The following WWC1 variants were observed in gnomAD, a reference collection of about 807,000 sequenced individuals.
WWC1 encodes WW and C2 domain containing 1.
In WWC1, 55 loss-of-function variants were observed where a neutral mutation model predicts 138.4. The ratio of observed to expected loss-of-function variants is 0.40; its 90% CI spans 0.32 to 0.50. WWC1 has a LOEUF of 0.50. Among genes scored for constraint, WWC1 ranks in the 20% least tolerant of loss-of-function variants. WWC1 has a pLI of 0.72. For missense variants in WWC1, 1,226 were observed against 1,420.4 expected (o/e 0.86, Z 2.20); for synonymous variants, 524 against 564.9 (o/e 0.93, Z 1.03).
At chr5:168,391,880 C>T (rs1163543373) in intron 3 of WWC1, among the ~76,000 whole-genome samples, 3 of 149,458 alleles carry the variant, frequency 2.0e-5, no homozygotes, top group Non-Finnish European at 3.0e-5. Flanking sequence ...ACGTAGCAGA[C>T]CTGAGAAAAG....
chr5:168,329,349 C>T (rs1046448719), intron 1 of WWC1, among the ~76,000 whole-genome samples: 2 of 152,174 alleles, frequency 1.3e-5, no homozygotes, highest in Non-Finnish European at 1.5e-5. Flanking sequence ...TCTTTTCCAA[C>T]GTGAGCTTAT....
At chr5:168,442,080 G>A (rs911387699) in intron 16 of WWC1, among the ~76,000 whole-genome samples, 6 of 152,168 alleles carry the variant, frequency 3.9e-5, no homozygotes, top group Admixed American at 2.6e-4. Context: ...ATACCACTTG[G>A]CTAACGAAAA....
At chr5:168,331,232 G>C (rs148096502) in intron 1 of WWC1, among the ~76,000 whole-genome samples, 11 of 152,332 alleles carry the variant, frequency 7.2e-5, no homozygotes, top group African/African-American at 1.9e-4. Flanking sequence ...CAAGATACAT[G>C]ATGGAGCATT....
At chr5:168,307,716 TGCCTCA>T (rs1275025585) in intron 1 of WWC1, among the ~76,000 whole-genome samples, 1 of 151,666 alleles carries the variant, frequency 6.6e-6, no homozygotes, top group Non-Finnish European at 1.5e-5. Flanking sequence ...GCGATTCTCC[TGCCTCA>T]GCCTCCCTAG....
intron 2 of WWC1, among the ~76,000 whole-genome samples, chr5:168,373,685 G>C (rs1282539392): frequency 7.3e-6 from 1 of 137,866 alleles, no homozygotes; most frequent in South Asian, 2.4e-4. Context: ...GGAGTTCAAG[G>C]CTAGTCTGGG....
chr5:168,412,022 CA>C, intron 8 of WWC1: 1 of 985,438 alleles, frequency 1.0e-6, no homozygotes, highest in Non-Finnish European at 1.2e-6. Flanking sequence ...AGGCGTCCAG[CA>C]AAACAGCAAG....
chr5:168,459,486 A>G (rs1756617954), intron 19 of WWC1, among the ~76,000 whole-genome samples: 2 of 152,282 alleles, frequency 1.3e-5, no homozygotes, highest in African/African-American at 4.8e-5. Flanking sequence ...CTGTTCAACT[A>G]TACAAGCTTC....
intron 1 of WWC1, among the ~76,000 whole-genome samples, chr5:168,354,251 A>T (rs753228042): frequency 2.0e-5 from 3 of 152,066 alleles, no homozygotes; most frequent in Admixed American, 2.0e-4. Context: ...GGGATTCACC[A>T]TGTTGGTCAG....
At chr5:168,419,599 C>T (rs931722225) in intron 9 of WWC1, among the ~76,000 whole-genome samples, 3 of 152,162 alleles carry the variant, frequency 2.0e-5, no homozygotes, top group South Asian at 4.1e-4. Flanking sequence ...CAAAGTAGGG[C>T]CCAGGAATGT....
Position 168,440,492 on chromosome 5 carries a change from T to TTTGTTG in WWC1, c.2281-1172_2281-1167dup, listed in dbSNP as rs140204253. The stretch of plus-strand genomic sequence containing the variant: ...TATTCAGGAGAATTGAAAGCAGGGT[T>TTTGTTG]TTGTTGTTGTTGTTGTTGTTGTTTT... On this transcript the variant is annotated intron_variant, in intron 15 of 22. Coordinates refer to ENST00000265293, the MANE Select transcript of WWC1 (RefSeq NM_015238.3). Among the ~76,000 whole-genome samples, 1,509 of 151,734 alleles carry TTTGTTG rather than the reference T, an allele frequency of 9.9e-3. 21 individuals carry two copies. Among genetic ancestry groups the TTTGTTG allele is most frequent in the African/African-American group, 0.035 (1,435 of 41,258 alleles).
intron 1 of WWC1, among the ~76,000 whole-genome samples, chr5:168,359,542 A>C (rs1775725489): frequency 6.6e-6 from 1 of 152,204 alleles, no homozygotes; most frequent in East Asian, 1.9e-4. Context: ...AAATAAAGAT[A>C]ATATTGATTT....
At chr5:168,317,637 A>G (rs1771720305) in intron 1 of WWC1, among the ~76,000 whole-genome samples, 1 of 152,166 alleles carries the variant, frequency 6.6e-6, no homozygotes, top group African/African-American at 2.4e-5. Context: ...AGCTATTGAG[A>G]AATGTGAACA....
At chr5:168,344,688 G>T (rs1236971686) in intron 1 of WWC1, among the ~76,000 whole-genome samples, 1 of 152,226 alleles carries the variant, frequency 6.6e-6, no homozygotes, top group Non-Finnish European at 1.5e-5. Flanking sequence ...CATTGCGTCT[G>T]TCACAGCAGG....
At chr5:168,363,484 C>T (rs897863071) in intron 1 of WWC1, among the ~76,000 whole-genome samples, 5 of 134,154 alleles carry the variant, frequency 3.7e-5, no homozygotes, top group African/African-American at 1.5e-4. Context: ...TAGATCACGC[C>T]ACTGTACTCC....
At position 168,464,787 on chromosome 5, in the gene WWC1, A is replaced by G; in HGVS notation, c.2975A>G (p.Glu992Gly). The change falls in exon 21 of 23, where the codon GAG (glutamate) becomes GGG (glycine). Residue 992 changes from glutamate to glycine, a missense_variant. Glu to Gly is a moderately conservative substitution (Grantham distance 98, BLOSUM62 -2). Around this residue, in one of 3 missense-constraint regions of WWC1, gnomAD observed 206 missense variants for 247.4 expected, o/e 0.83. Coordinates refer to ENST00000265293, the MANE Select transcript of WWC1 (RefSeq NM_015238.3). ...ERLIRTSLDL[E>G]LDLQATRTWH... The stretch of plus-strand genomic sequence containing the variant: ...CTGATCCGTACCTCGCTGGACCTGG[A>G]GTTAGACCTGCAGGCGACAAGAACC... 6.2e-7 allele frequency: 1 copy of G among 1,614,100 alleles called. No individual in the cohort carries two copies. Among genetic ancestry groups the G allele is most frequent in the Non-Finnish European group, 8.5e-7 (1 of 1,180,012 alleles).
At chr5:168,381,958 G>T (rs563056222) in intron 2 of WWC1, among the ~76,000 whole-genome samples, 3 of 151,936 alleles carry the variant, frequency 2.0e-5, no homozygotes, top group South Asian at 4.2e-4. Flanking sequence ...TATTAAAATT[G>T]TAAGTGTGTG....
At chr5:168,436,536 A>G (rs1217676310) in intron 15 of WWC1, among the ~76,000 whole-genome samples, 2 of 152,054 alleles carry the variant, frequency 1.3e-5, no homozygotes, top group Non-Finnish European at 2.9e-5. Context: ...CGAATCTTGT[A>G]TCTCCACTGC....
intron 1 of WWC1, among the ~76,000 whole-genome samples, chr5:168,331,985 A>C (rs1276848502): frequency 6.6e-6 from 1 of 151,984 alleles, no homozygotes; most frequent in Non-Finnish European, 1.5e-5. Context: ...ATCTCTACTA[A>C]ACATACAAAA....
chr5:168,468,065 G>A, intron 22 of WWC1, 101 bp downstream of exon 22: 1 of 1,543,632 alleles, frequency 6.5e-7, no homozygotes. Context: ...TGCTCACAGA[G>A]CACTGGCTTT....
Sources: gnomAD v4.1 joint callset for allele counts (sites outside exome capture counted in the v4.1 genomes callset) on GRCh38, gnomAD v4.1.1 for gene constraint, gnomAD v4.1.1 regional missense constraint, MANE v1.5 for transcripts, NCBI Gene and HGNC (gene_info 2026-07-23, HGNC 2026-07-21) for gene names.